The following KCND3 variants were observed in gnomAD, a reference collection of about 807,000 sequenced individuals.
The protein encoded by KCND3 is A-type voltage-gated potassium channel KCND3.
A neutral mutation model predicts 51.1 loss-of-function variants in KCND3; 9 were observed. The observed-to-expected ratio is 0.18, with a 90% CI of 0.11 to 0.31. The LOEUF (loss-of-function observed/expected upper bound fraction) is 0.31, where lower values mean the gene tolerates loss of function less well. KCND3 is among the 10% of genes least tolerant of loss of function. The pLI, the probability that KCND3 is intolerant of heterozygous loss-of-function variation, is 1.00. For missense variants in KCND3, 526 were observed against 903.8 expected, an observed-to-expected ratio of 0.58 and a Z score of 5.36; for synonymous variants, 349 against 368.0, an observed-to-expected ratio of 0.95 and a Z score of 0.59.
At chr1:111,968,178 T>C (rs1674112615) in intron 2 of KCND3, among the ~76,000 whole-genome samples, 1 of 152,122 alleles carries the variant, frequency 6.6e-6, no homozygotes, top group African/African-American at 2.4e-5. Context: ...GGCTGCAGAA[T>C]TTTTTTATTA....
At chr1:111,785,506 A>T (rs918884552) in intron 3 of KCND3, among the ~76,000 whole-genome samples, 6 of 152,188 alleles carry the variant, frequency 3.9e-5, no homozygotes, top group Admixed American at 3.3e-4. Context: ...GTGGCAACTT[A>T]ACAGACCAGG....
intron 2 of KCND3, among the ~76,000 whole-genome samples, chr1:111,905,007 G>A (rs888777575): frequency 3.9e-5 from 6 of 152,184 alleles, no homozygotes; most frequent in Non-Finnish European, 7.3e-5. Flanking sequence ...TATTCACGCC[G>A]GAAGTCCATG....
intron 2 of KCND3, among the ~76,000 whole-genome samples, chr1:111,892,823 CAAA>C (rs2101766553): frequency 6.6e-6 from 1 of 152,240 alleles, no homozygotes; most frequent in South Asian, 2.1e-4. Context: ...AATTAATGAA[CAAA>C]AGAGAAGTAG....
intron 2 of KCND3, among the ~76,000 whole-genome samples, chr1:111,898,463 T>C (rs148631465): frequency 1.4e-4 from 21 of 152,284 alleles, no homozygotes; most frequent in South Asian, 6.2e-4. Flanking sequence ...CAGGTTACAA[T>C]TGGTGGTGCA....
chr1:111,789,607 G>C (rs1473132883), intron 2 of KCND3, among the ~76,000 whole-genome samples: 1 of 152,216 alleles, frequency 6.6e-6, no homozygotes, highest in Non-Finnish European at 1.5e-5. Flanking sequence ...AAGGCAAAAG[G>C]AGGTCTGAGA....
chr1:111,838,667 A>C (rs1667186323), intron 2 of KCND3, among the ~76,000 whole-genome samples: 1 of 151,734 alleles, frequency 6.6e-6, no homozygotes, highest in Non-Finnish European at 1.5e-5. Flanking sequence ...AAAAAAACAA[A>C]AACAAAAGCA....
Position 111,787,106 on chromosome 1 carries a change from T to C in KCND3, c.1107A>G (p.Gly369=). The part of the protein sequence containing the change: ...WYTIVTMTTL[G]YGDMVPKTIA... Reference sequence around the variant, plus strand: ...TCGTCTTAGGCACCATGTCTCCGTATCTGAGAGAGGGAGAGAAACAGGGTG... The same window carrying C: ...TCGTCTTAGGCACCATGTCTCCGTACCTGAGAGAGGGAGAGAAACAGGGTG... Residue 369 remains glycine (G), a splice_region_variant and synonymous_variant, in exon 3 of 8, where the codon GGA becomes GGG. Coordinates refer to ENST00000302127, the MANE Select transcript of KCND3 (RefSeq NM_001378969.1). 1 of 1,614,140 alleles carries C rather than the reference T, an allele frequency of 6.2e-7. No individual in the cohort carries two copies. The highest frequency in any genetic ancestry group is 8.5e-7 in the Non-Finnish European group (1 of 1,180,020).
At chr1:111,878,867 G>T (rs1466080388) in intron 2 of KCND3, among the ~76,000 whole-genome samples, 3 of 152,166 alleles carry the variant, frequency 2.0e-5, no homozygotes, top group Non-Finnish European at 4.4e-5. Context: ...TGTGAGGGGG[G>T]TTTCCTGATG....
intron 2 of KCND3, among the ~76,000 whole-genome samples, chr1:111,957,929 G>A (rs113792442): frequency 8.4e-4 from 128 of 152,320 alleles, no homozygotes; most frequent in African/African-American, 3.0e-3. Flanking sequence ...AGGGCATGTT[G>A]GTGGGGTAAA....
chr1:111,953,040 T>C (rs1557742184), intron 2 of KCND3, among the ~76,000 whole-genome samples: 1 of 152,296 alleles, frequency 6.6e-6, no homozygotes, highest in East Asian at 1.9e-4. Flanking sequence ...GAGGTACCAT[T>C]ATCCCCAGTG....
At chr1:111,921,333 A>G (rs1423632028) in intron 2 of KCND3, among the ~76,000 whole-genome samples, 1 of 152,244 alleles carries the variant, frequency 6.6e-6, no homozygotes, top group Non-Finnish European at 1.5e-5. Flanking sequence ...AAGCCAGAGC[A>G]GCTCCCTCAA....
intron 2 of KCND3, among the ~76,000 whole-genome samples, chr1:111,965,834 TC>T (rs2101944986): frequency 6.6e-6 from 1 of 152,234 alleles, no homozygotes; most frequent in East Asian, 1.9e-4. Flanking sequence ...CCTCTCCCTG[TC>T]TGAAGTGAGC....
Position 111,777,373 on chromosome 1 carries a change from G to T in KCND3, c.1519-100C>A, listed in dbSNP as rs370234262. ...GCTGCCTGTCTCTGTTCTGGACCTT[G>T]AAGGAAGGGCTCCCAGCTGCCCGGA... On this transcript the variant is annotated intron_variant, in intron 6 of 7. Coordinates refer to ENST00000302127, the MANE Select transcript of KCND3 (RefSeq NM_001378969.1). 1.3e-5 allele frequency: 17 copies of T among 1,317,710 alleles called. No individual in the cohort carries two copies. The African/African-American group carries it at 2.3e-4, about 18-fold the overall frequency. The allele number at this position is 1,317,710 out of a possible 1,614,324, so 81.6% of individuals were successfully genotyped here.
At chr1:111,958,144 G>T (rs1487625524) in intron 2 of KCND3, among the ~76,000 whole-genome samples, 1 of 152,142 alleles carries the variant, frequency 6.6e-6, no homozygotes, top group African/African-American at 2.4e-5. Context: ...CAAACCACCT[G>T]GCATACATAC....
chr1:111,849,839 CCTT>C (rs1667726761), intron 2 of KCND3, among the ~76,000 whole-genome samples: 1 of 152,160 alleles, frequency 6.6e-6, no homozygotes, highest in South Asian at 2.1e-4. Context: ...TGGCTTGGCT[CCTT>C]CTCTGATCCC....
chr1:111,942,269 T>A (rs1413820058), intron 2 of KCND3, among the ~76,000 whole-genome samples: 1 of 152,182 alleles, frequency 6.6e-6, no homozygotes, highest in African/African-American at 2.4e-5. Context: ...CTAGGCACAG[T>A]AGTGAATAGC....
intron 2 of KCND3, among the ~76,000 whole-genome samples, chr1:111,841,182 G>A (rs1667305367): frequency 6.6e-6 from 1 of 152,168 alleles, no homozygotes; most frequent in African/African-American, 2.4e-5. Context: ...TGTGCTGTTG[G>A]GACATCGTCA....
At chr1:111,906,693 C>A (rs1670663377) in intron 2 of KCND3, among the ~76,000 whole-genome samples, 1 of 152,282 alleles carries the variant, frequency 6.6e-6, no homozygotes, top group East Asian at 1.9e-4. Context: ...TCGATCCCAA[C>A]TTTTGGGGTT....
At chr1:111,820,700 G>T (rs892523561) in intron 2 of KCND3, among the ~76,000 whole-genome samples, 1 of 152,170 alleles carries the variant, frequency 6.6e-6, no homozygotes, top group Non-Finnish European at 1.5e-5. Context: ...AGCTAAGAAG[G>T]TGACCTCATT....
Sources: allele counts gnomAD v4.1 joint callset (sites outside exome capture counted in the v4.1 genomes callset), GRCh38; gene constraint gnomAD v4.1.1; transcripts MANE v1.5; gene names NCBI Gene and HGNC (gene_info 2026-07-23, HGNC 2026-07-21).